RAPGEF5: variants seen among roughly 807,000 people sequenced by gnomAD.
RAPGEF5 encodes the protein Rap guanine nucleotide exchange factor 5.
RAPGEF5 carries 65 observed loss-of-function variants against 125.2 expected under a neutral mutation model. That is an observed-to-expected ratio of 0.52 (90% confidence interval 0.43 to 0.64). The LOEUF (loss-of-function observed/expected upper bound fraction) is 0.64. Ranked by LOEUF, RAPGEF5 falls within the 30% of genes least tolerant of loss-of-function variation. The pLI is 0.00. For missense variants in RAPGEF5, 958 were observed against 1,048.1 expected (o/e 0.91, Z 1.19); for synonymous variants, 391 against 385.9 (o/e 1.01, Z -0.16).
chr7:22,293,656 T>C (rs201843287), intron 5 of RAPGEF5, among the ~76,000 whole-genome samples: 2 of 152,052 alleles, frequency 1.3e-5, no homozygotes, highest in East Asian at 3.9e-4. Flanking sequence ...AGCTCTAGAA[T>C]TCGGAAATGC....
intron 20 of RAPGEF5, 70 bp downstream of exon 20, chr7:22,144,974 G>T: frequency 1.0e-5 from 15 of 1,493,778 alleles, no homozygotes; most frequent in Non-Finnish European, 1.4e-5. Flanking sequence ...TCATAAGAAA[G>T]AAAGAAAGAA....
intron 11 of RAPGEF5, among the ~76,000 whole-genome samples, chr7:22,185,550 CAAGG>C (rs1350651127): frequency 3.3e-5 from 5 of 152,114 alleles, no homozygotes; most frequent in African/African-American, 9.7e-5. Context: ...GAGAGAAGCT[CAAGG>C]AACTACCAAA....
At chr7:22,301,888 T>C (rs1280510446) in intron 5 of RAPGEF5, among the ~76,000 whole-genome samples, 1 of 152,212 alleles carries the variant, frequency 6.6e-6, no homozygotes, top group Non-Finnish European at 1.5e-5. Flanking sequence ...ACCTTTGTGA[T>C]AAGCTCCCAG....
intron 1 of RAPGEF5, among the ~76,000 whole-genome samples, chr7:22,319,864 AC>A (rs1208330332): frequency 6.6e-6 from 1 of 151,812 alleles, no homozygotes; most frequent in Non-Finnish European, 1.5e-5. Flanking sequence ...AAAAAAAAAA[AC>A]GTGGGCAGGG....
At chr7:22,300,528 C>T (rs1783172795) in intron 5 of RAPGEF5, among the ~76,000 whole-genome samples, 1 of 152,170 alleles carries the variant, frequency 6.6e-6, no homozygotes, top group South Asian at 2.1e-4. Flanking sequence ...CCATTTTGAA[C>T]ATAATGCTAT....
intron 2 of RAPGEF5, among the ~76,000 whole-genome samples, chr7:22,317,552 T>C (rs1331613613): frequency 2.0e-5 from 3 of 152,144 alleles, no homozygotes; most frequent in African/African-American, 4.8e-5. Context: ...AAAATGCAAC[T>C]CTTTATTGAC....
chr7:22,332,039 TAACAA>T (rs1009889727), intron 1 of RAPGEF5, among the ~76,000 whole-genome samples: 1 of 152,194 alleles, frequency 6.6e-6, no homozygotes, highest in African/African-American at 2.4e-5. Context: ...TGAATGTACT[TAACAA>T]TACTTAACTG....
In RAPGEF5 at chr7:22,324,392, G is replaced by C. The variant is rs1018515486; in HGVS notation, c.232-6355C>G. On this transcript the variant is annotated intron_variant, in intron 1 of 25. Transcript: ENST00000665637. ...CAATTAAAGGCATTATGTGATCCTG[G>C]ACTAGAATAAGGAACTTAGCAGGAC... 3.3e-5 allele frequency among the ~76,000 whole-genome samples: 5 copies of C among 152,278 alleles called. No individual in the cohort carries two copies. In the South Asian group the frequency reaches 8.3e-4, roughly 25 times the overall value.
intron 18 of RAPGEF5, among the ~76,000 whole-genome samples, chr7:22,147,583 A>C (rs907005874): frequency 6.6e-6 from 1 of 152,238 alleles, no homozygotes; most frequent in African/African-American, 2.4e-5. Flanking sequence ...CCCATGGTAG[A>C]TTATTATTTT....
intron 9 of RAPGEF5, among the ~76,000 whole-genome samples, chr7:22,207,119 T>C (rs187168813): frequency 2.2e-4 from 34 of 152,300 alleles, no homozygotes; most frequent in African/African-American, 8.2e-4. Context: ...AAAGATAACA[T>C]AGTTTCTCCT....
chr7:22,161,596 AT>A (rs1471582609), intron 13 of RAPGEF5, among the ~76,000 whole-genome samples: 1 of 150,968 alleles, frequency 6.6e-6, no homozygotes, highest in East Asian at 1.9e-4. Flanking sequence ...CCACATAATC[AT>A]TTGGGAGAAA....
chr7:22,146,723 A>C (rs1435925112), intron 19 of RAPGEF5, among the ~76,000 whole-genome samples, 174 bp downstream of exon 19: 1 of 152,218 alleles, frequency 6.6e-6, no homozygotes, highest in Non-Finnish European at 1.5e-5. Flanking sequence ...AAGCATGCTC[A>C]CATATTCTGA....
At chr7:22,316,578 C>T (rs1023439936) in intron 2 of RAPGEF5, among the ~76,000 whole-genome samples, 7 of 147,256 alleles carry the variant, frequency 4.8e-5, no homozygotes, top group African/African-American at 1.8e-4. Context: ...GCAGCCTAGG[C>T]TTCCCAAGCT....
chr7:22,177,476 T>C (rs1784544325), intron 11 of RAPGEF5, among the ~76,000 whole-genome samples: 1 of 152,180 alleles, frequency 6.6e-6, no homozygotes, highest in South Asian at 2.1e-4. Flanking sequence ...GTAGCCAGAG[T>C]GGCTTCAATG....
intron 1 of RAPGEF5, among the ~76,000 whole-genome samples, chr7:22,335,719 C>CAA (rs1562534894): frequency 1.1e-5 from 1 of 91,650 alleles, no homozygotes; most frequent in Non-Finnish European, 2.5e-5. Context: ...AAAACAACAA[C>CAA]AACAACAACA....
intron 6 of RAPGEF5, among the ~76,000 whole-genome samples, chr7:22,280,651 G>C (rs907929341): frequency 6.6e-6 from 1 of 152,174 alleles, no homozygotes; most frequent in Non-Finnish European, 1.5e-5. Flanking sequence ...ATCTTGTTGA[G>C]ACTAGTTCAT....
chr7:22,159,233 C>A (rs894109363), intron 14 of RAPGEF5, among the ~76,000 whole-genome samples: 3 of 152,122 alleles, frequency 2.0e-5, no homozygotes, highest in Non-Finnish European at 4.4e-5. Context: ...ATGTAGACTG[C>A]AATAAAAGAA....
chr7:22,352,893 A>T (rs906484678), intron 1 of RAPGEF5, among the ~76,000 whole-genome samples: 2 of 152,204 alleles, frequency 1.3e-5, no homozygotes, highest in Admixed American at 1.3e-4. Context: ...AATGAAAAGG[A>T]TCTAGGCTAC....
intron 9 of RAPGEF5, among the ~76,000 whole-genome samples, chr7:22,217,928 G>A (rs1383517943): frequency 6.6e-6 from 1 of 152,000 alleles, no homozygotes; most frequent in East Asian, 1.9e-4. Context: ...TCTGCCTCAT[G>A]TTAAAAGCCT....
Sources: gnomAD v4.1 joint callset for allele counts (sites outside exome capture counted in the v4.1 genomes callset) on GRCh38, gnomAD v4.1.1 for gene constraint, MANE v1.5 for transcripts, NCBI Gene and HGNC (gene_info 2026-07-23, HGNC 2026-07-21) for gene names.